The following SGK1 variants were observed in gnomAD, a reference collection of about 807,000 sequenced individuals.
SGK1 encodes the protein serine/threonine-protein kinase Sgk1.
A neutral mutation model predicts 64.2 loss-of-function variants in SGK1; 26 were observed. The observed-to-expected ratio is 0.40, with a 90% CI of 0.30 to 0.56. The LOEUF (loss-of-function observed/expected upper bound fraction) is 0.56, where lower values mean the gene tolerates loss of function less well. SGK1 is among the 20% of genes least tolerant of loss of function. The pLI is 0.38. For missense variants in SGK1, 519 were observed against 645.6 expected, an observed-to-expected ratio of 0.80 and a Z score of 2.12; for synonymous variants, 265 against 239.7, an observed-to-expected ratio of 1.11 and a Z score of -0.98.
intron 1 of SGK1, among the ~76,000 whole-genome samples, chr6:134,262,860 A>G (rs1225864063): frequency 1.3e-5 from 2 of 152,004 alleles, no homozygotes; most frequent in East Asian, 1.9e-4. Context: ...TGGGCAAAAT[A>G]GCGAAACTTT....
At chr6:134,206,356 TA>T (rs1775772670) in intron 3 of SGK1, among the ~76,000 whole-genome samples, 7 of 8,274 alleles carry the variant, frequency 8.5e-4, no homozygotes, top group South Asian at 8.5e-3. Context: ...TATATATATA[TA>T]TATATATATA....
At chr6:134,258,955 T>G (rs1776723836) in intron 2 of SGK1, among the ~76,000 whole-genome samples, 1 of 152,078 alleles carries the variant, frequency 6.6e-6, no homozygotes, top group Admixed American at 6.6e-5. Context: ...ACCACTACAC[T>G]CTAGCCTGGG....
intron 3 of SGK1, chr6:134,177,898 A>G: frequency 6.7e-7 from 1 of 1,483,056 alleles, no homozygotes. Flanking sequence ...TAAGTACAGG[A>G]AGGGAGCAAG....
At chr6:134,278,222 T>G (rs1267795268) in intron 1 of SGK1, among the ~76,000 whole-genome samples, 1 of 152,252 alleles carries the variant, frequency 6.6e-6, no homozygotes, top group African/African-American at 2.4e-5. Flanking sequence ...CTGCCTGACA[T>G]TCCAGTCACA....
intron 2 of SGK1, among the ~76,000 whole-genome samples, chr6:134,244,503 T>A (rs1776494368): frequency 6.6e-6 from 1 of 152,154 alleles, no homozygotes; most frequent in South Asian, 2.1e-4. Context: ...AAGCATAGTA[T>A]CTGGGCTGGA....
At chr6:134,212,146 C>T (rs1458903423) in intron 2 of SGK1, among the ~76,000 whole-genome samples, 6 of 151,886 alleles carry the variant, frequency 4.0e-5, no homozygotes, top group African/African-American at 1.4e-4. Flanking sequence ...CTCCGCCTCC[C>T]GGGTTCACGC....
chr6:134,287,459 T>A (rs1039519931), intron 1 of SGK1, among the ~76,000 whole-genome samples: 2 of 151,266 alleles, frequency 1.3e-5, no homozygotes, highest in African/African-American at 2.4e-5. Context: ...TTTTTTTTTT[T>A]AAGGAAGATT....
At chr6:134,174,315 T>G in intron 4 of SGK1, 196 bp downstream of exon 4, 1 of 607,960 alleles carries the variant, frequency 1.6e-6, no homozygotes, top group South Asian at 2.1e-5. Context: ...CCATTTATCT[T>G]ACATCTCCAG....
chr6:134,212,980 C>T (rs1775916168), intron 2 of SGK1, among the ~76,000 whole-genome samples: 1 of 152,178 alleles, frequency 6.6e-6, no homozygotes, highest in African/African-American at 2.4e-5. Context: ...GTTGAAGCTG[C>T]TCCTGATGAA....
At chr6:134,231,196 AT>A (rs1776272860) in intron 2 of SGK1, among the ~76,000 whole-genome samples, 1 of 152,198 alleles carries the variant, frequency 6.6e-6, no homozygotes, top group South Asian at 2.1e-4. Flanking sequence ...ATTAAAAAAA[AT>A]AAACCAAAAT....
At position 134,170,925 on chromosome 6, in the gene SGK1, A is replaced by T; in HGVS notation, c.1324-10T>A. ...GACTCTTAATCTCCATCTGTTGATA[A>T]GAAACCCAAGATTAATTTAGACAGG... On this transcript the variant is annotated splice_polypyrimidine_tract_variant and intron_variant, in intron 12 of 13. Transcript: ENST00000367858. 1 of 1,609,378 alleles carries T rather than the reference A, an allele frequency of 6.2e-7. No individual in the cohort carries two copies.
chr6:134,187,985 G>A (rs1315235100), intron 3 of SGK1, among the ~76,000 whole-genome samples: 1 of 152,182 alleles, frequency 6.6e-6, no homozygotes, highest in Non-Finnish European at 1.5e-5. Flanking sequence ...CTCAGCAGTG[G>A]CTGTAGCCAG....
intron 1 of SGK1, among the ~76,000 whole-genome samples, chr6:134,305,645 T>C (rs1777524520): frequency 6.6e-6 from 1 of 151,742 alleles, no homozygotes. Flanking sequence ...ATTTATTCAA[T>C]GTATTTTGCT....
At chr6:134,182,998 G>C (rs558579004) in intron 3 of SGK1, among the ~76,000 whole-genome samples, 1 of 152,340 alleles carries the variant, frequency 6.6e-6, no homozygotes, top group South Asian at 2.1e-4. Context: ...GACCTATTGA[G>C]AGGGTGGAGT....
At chr6:134,311,915 G>A (rs752355387) in intron 1 of SGK1, among the ~76,000 whole-genome samples, 9 of 152,230 alleles carry the variant, frequency 5.9e-5, no homozygotes, top group Non-Finnish European at 1.0e-4. Flanking sequence ...CATTCCTACC[G>A]CTCTCAGTAG....
intron 1 of SGK1, among the ~76,000 whole-genome samples, chr6:134,283,466 CA>C (rs1270781564): frequency 6.6e-6 from 1 of 151,460 alleles, no homozygotes; most frequent in Non-Finnish European, 1.5e-5. Flanking sequence ...ACTGCAGCCT[CA>C]GTGGCAGAGT....
intron 3 of SGK1, among the ~76,000 whole-genome samples, chr6:134,181,974 C>T (rs1289149690): frequency 1.3e-5 from 2 of 152,024 alleles, no homozygotes; most frequent in East Asian, 3.9e-4. Context: ...TCTCATGCCT[C>T]AGACTCTCAA....
intron 2 of SGK1, among the ~76,000 whole-genome samples, chr6:134,228,076 C>T (rs1776216072): frequency 6.6e-6 from 1 of 151,596 alleles, no homozygotes; most frequent in Non-Finnish European, 1.5e-5. Flanking sequence ...CTGCCTCAGC[C>T]TCCCGAGTAG....
intron 10 of SGK1, 155 bp downstream of exon 10, chr6:134,172,038 T>G: frequency 2.3e-6 from 2 of 883,688 alleles, no homozygotes; most frequent in Non-Finnish European, 3.6e-6. Context: ...GGATTTCTCA[T>G]GCTACATCAA....
Sources: allele counts gnomAD v4.1 joint callset (sites outside exome capture counted in the v4.1 genomes callset), GRCh38; gene constraint gnomAD v4.1.1; transcripts MANE v1.5; gene names NCBI Gene and HGNC (gene_info 2026-07-23, HGNC 2026-07-21).